The following RPS6KA5 variants were observed in gnomAD, a reference collection of about 807,000 sequenced individuals.
The protein encoded by RPS6KA5 is ribosomal protein S6 kinase alpha-5.
A neutral mutation model predicts 85.5 loss-of-function variants in RPS6KA5; 27 were observed. The observed-to-expected ratio is 0.32, with a 90% CI of 0.23 to 0.44. The LOEUF (loss-of-function observed/expected upper bound fraction) is 0.44, where lower values mean the gene tolerates loss of function less well. Ranked by LOEUF, RPS6KA5 falls within the 20% of genes least tolerant of loss-of-function variation. The pLI, the probability that RPS6KA5 is intolerant of heterozygous loss-of-function variation, is 1.00. For synonymous variants in RPS6KA5, 334 were observed against 348.2 expected, an observed-to-expected ratio of 0.96 and a Z score of 0.46; for missense variants, 811 against 980.9, an observed-to-expected ratio of 0.83 and a Z score of 2.31.
Position 90,867,867 on chromosome 14 carries a change from A to T in RPS6KA5, c.*4207T>A, listed in dbSNP as rs2032866485. Reference sequence around the variant, plus strand: ...ACAAATTCATGAAACAGGGTGGACAACAGCCTTGTGTAGGGGAAGCATTTG... The same window carrying T: ...ACAAATTCATGAAACAGGGTGGACATCAGCCTTGTGTAGGGGAAGCATTTG... On this transcript the variant is annotated 3_prime_UTR_variant, in exon 17 of 17. Transcript: ENST00000614987. 6.6e-6 allele frequency: 1 copy of T among 152,220 alleles called. No homozygotes were observed. The highest frequency in any genetic ancestry group is 1.5e-5 in the Non-Finnish European group (1 of 68,010). 9.4% of individuals were successfully genotyped at this position (152,220 alleles called of 1,614,324 possible).
At chr14:90,990,075 G>C (rs11159984) in intron 2 of RPS6KA5, among the ~76,000 whole-genome samples, 1 of 152,082 alleles carries the variant, frequency 6.6e-6, no homozygotes, top group Non-Finnish European at 1.5e-5. Flanking sequence ...CACTACCAAT[G>C]GGGGGACAAG....
Position 90,883,257 on chromosome 14 carries a change from C to T in RPS6KA5, c.1836+7230G>A, listed in dbSNP as rs1025547744. Among the ~76,000 whole-genome samples the T allele has an allele frequency of 9.2e-5, 14 of 152,192 alleles. No homozygotes were observed. The South Asian group carries it at 1.5e-3, about 16-fold the overall frequency. ...TCTCTTTCTTCTCCTTCTGAAACTC[C>T]GACAATGCATATGTTGGTCCTCTTG... On this transcript the variant is annotated intron_variant, in intron 14 of 16. Coordinates refer to ENST00000614987, the MANE Select transcript of RPS6KA5 (RefSeq NM_004755.4).
intron 2 of RPS6KA5, among the ~76,000 whole-genome samples, chr14:90,979,212 G>A (rs1009140392): frequency 2.0e-5 from 3 of 152,224 alleles, no homozygotes; most frequent in African/African-American, 7.2e-5. Context: ...GGAGGAATTG[G>A]GGCCATGTGG....
At chr14:90,987,937 T>C (rs1438421284) in intron 2 of RPS6KA5, among the ~76,000 whole-genome samples, 1 of 152,024 alleles carries the variant, frequency 6.6e-6, no homozygotes, top group Non-Finnish European at 1.5e-5. Context: ...TTTACAAGGT[T>C]CTATGTTGTA....
chr14:90,900,476 G>A, intron 10 of RPS6KA5, 135 bp downstream of exon 10: 2 of 841,264 alleles, frequency 2.4e-6, no homozygotes, highest in Non-Finnish European at 3.4e-6. Context: ...AATTCTCTAG[G>A]GAAAATATTG....
chr14:90,978,515 T>C lies in RPS6KA5; in HGVS notation c.185A>G (p.Lys62Arg). 1 of 1,586,080 alleles carries C rather than the reference T, an allele frequency of 6.3e-7. No homozygotes were observed. The highest frequency in any genetic ancestry group is 8.6e-7 in the Non-Finnish European group (1 of 1,166,238). Reference protein sequence around the residue: ...LKVLGTGAYGKVFLVRKISGH... With the variant: ...LKVLGTGAYGRVFLVRKISGH... ...ACTTATTTTACGAACTAGAAATACT[T>C]TTCCATAAGCTGAAAATGAAAAGAA... Residue 62 changes from lysine (K) to arginine (R), a missense_variant, in exon 3 of 17, where the codon AAA becomes AGA. By Grantham distance (26) the Lys-to-Arg change is conservative. This residue lies in a region of RPS6KA5 where 113 missense variants were observed against 100.0 expected (regional missense o/e 1.13). Coordinates refer to ENST00000614987, the MANE Select transcript of RPS6KA5 (RefSeq NM_004755.4).
At chr14:90,934,935 C>T (rs2037181352) in intron 5 of RPS6KA5, among the ~76,000 whole-genome samples, 1 of 152,130 alleles carries the variant, frequency 6.6e-6, no homozygotes, top group Admixed American at 6.6e-5. Flanking sequence ...TTCTAGGTCT[C>T]CTATTTTCCC....
chr14:90,904,819 A>G (rs950570810), intron 8 of RPS6KA5, among the ~76,000 whole-genome samples: 4 of 152,212 alleles, frequency 2.6e-5, no homozygotes, highest in African/African-American at 9.7e-5. Context: ...TAAAATTACT[A>G]TTCCAAGCTA....
In RPS6KA5 at chr14:90,858,373, A is replaced by G. The variant is rs1169523543; in HGVS notation, c.*13701T>C. On this transcript the variant is annotated 3_prime_UTR_variant, in exon 17 of 17. Transcript: ENST00000614987. ...CAAGAACTGTTCGAGAATGATGTTAACATCACGTGTAGGAATGCTACATTT... is the reference window on the plus strand; with the variant it reads ...CAAGAACTGTTCGAGAATGATGTTAGCATCACGTGTAGGAATGCTACATTT... 1 of 152,198 alleles carries G rather than the reference A, an allele frequency of 6.6e-6. No individual in the cohort carries two copies. Among genetic ancestry groups the G allele is most frequent in the Non-Finnish European group, 1.5e-5 (1 of 68,042 alleles). 9.4% of individuals were successfully genotyped at this position (152,198 alleles called of 1,614,324 possible).
Position 90,873,659 on chromosome 14 carries a change from C to A in RPS6KA5, c.2133G>T (p.Val711=). 1.9e-6 allele frequency: 3 copies of A among 1,614,118 alleles called. No homozygotes were observed. Among genetic ancestry groups the A allele is most frequent in the Non-Finnish European group, 2.5e-6 (3 of 1,180,012 alleles). The change falls in exon 16 of 17, where the codon GTG becomes GTT. Residue 711 remains valine (V), a synonymous_variant. Transcript: ENST00000614987. The part of the protein sequence containing the change: ...PDILGSSGAA[V]HTCVKATFHA... The stretch of plus-strand genomic sequence containing the variant: ...GGAAGGTTGCTTTCACACAGGTATG[C>A]ACGGCAGCTCCGGAAGATCCTAGAA...
At chr14:90,914,400 C>T (rs1334039321) in intron 7 of RPS6KA5, among the ~76,000 whole-genome samples, 1 of 146,610 alleles carries the variant, frequency 6.8e-6, no homozygotes, top group South Asian at 2.2e-4. Context: ...CTGCAACCTC[C>T]GCCCCCAGGG....
At chr14:90,958,751 G>T (rs989979057) in intron 3 of RPS6KA5, among the ~76,000 whole-genome samples, 1 of 152,008 alleles carries the variant, frequency 6.6e-6, no homozygotes, top group Admixed American at 6.6e-5. Context: ...AGTGAAGCTT[G>T]CATTCCAGTG....
Position 90,866,174 on chromosome 14 carries a change from T to C in RPS6KA5, c.*5900A>G, listed in dbSNP as rs1374719567. 1 of 152,184 alleles carries C rather than the reference T, an allele frequency of 6.6e-6. No individual in the cohort carries two copies. Among genetic ancestry groups the C allele is most frequent in the Non-Finnish European group, 1.5e-5 (1 of 68,062 alleles). The allele number at this position is 152,184 out of a possible 1,614,324, so 9.4% of individuals were successfully genotyped here. A position where few individuals can be genotyped will look rare whatever the true frequency, so the allele number is the denominator to read the frequency against. ...ATGTACGGAGTATGGGATGAACTGA[T>C]GCAGTTAAGGAAGACAACTCACAAA... On this transcript the variant is annotated 3_prime_UTR_variant, in exon 17 of 17. Coordinates refer to ENST00000614987, the MANE Select transcript of RPS6KA5 (RefSeq NM_004755.4).
intron 5 of RPS6KA5, among the ~76,000 whole-genome samples, chr14:90,937,190 C>T (rs1311024568): frequency 6.6e-6 from 1 of 151,946 alleles, no homozygotes; most frequent in East Asian, 1.9e-4. Context: ...TCAGTACTAC[C>T]AGGCAGTCAA....
rs529347925 is a variant in RPS6KA5 at position 90,969,297 on chromosome 14, T to G, written c.394+9009A>C. Reference sequence around the variant, plus strand: ...ACGTGCTCTCCATCAAAATTCTGACTTTCTAAGTACATACTGTTGCACAGT... The same window carrying G: ...ACGTGCTCTCCATCAAAATTCTGACGTTCTAAGTACATACTGTTGCACAGT... On this transcript the variant is annotated intron_variant, in intron 3 of 16. Coordinates refer to ENST00000614987, the MANE Select transcript of RPS6KA5 (RefSeq NM_004755.4). Among the ~76,000 whole-genome samples the G allele has an allele frequency of 9.8e-5, 15 of 152,330 alleles. No individual in the cohort carries two copies. The East Asian group carries it at 2.9e-3, about 29-fold the overall frequency.
intron 7 of RPS6KA5, among the ~76,000 whole-genome samples, chr14:90,919,333 A>G (rs1192389219): frequency 6.6e-6 from 1 of 152,186 alleles, no homozygotes; most frequent in East Asian, 1.9e-4. Flanking sequence ...CCAGATGTCC[A>G]ATGTCTTCAA....
chr14:91,038,900 A>G (rs941429379), intron 1 of RPS6KA5, among the ~76,000 whole-genome samples: 20 of 152,170 alleles, frequency 1.3e-4, no homozygotes, highest in Non-Finnish European at 2.9e-5. Context: ...TTAAATCTTC[A>G]GCCTGATTTT....
intron 2 of RPS6KA5, among the ~76,000 whole-genome samples, chr14:90,985,167 T>C (rs1232531382): frequency 6.6e-6 from 1 of 152,236 alleles, no homozygotes; most frequent in Non-Finnish European, 1.5e-5. Flanking sequence ...GGTCTCGAAC[T>C]ACCTACCTCA....
At chr14:90,885,632 C>A (rs1346763159) in intron 14 of RPS6KA5, among the ~76,000 whole-genome samples, 2 of 129,658 alleles carry the variant, frequency 1.5e-5, no homozygotes, top group African/African-American at 3.0e-5. Flanking sequence ...GTCCCAGCTA[C>A]TCGGGAGACT....
Sources: gnomAD v4.1 joint callset for allele counts (sites outside exome capture counted in the v4.1 genomes callset) on GRCh38, gnomAD v4.1.1 for gene constraint, gnomAD v4.1.1 regional missense constraint, MANE v1.5 for transcripts, NCBI Gene and HGNC (gene_info 2026-07-23, HGNC 2026-07-21) for gene names.